The following MTURN variants were observed in gnomAD, a reference collection of about 807,000 sequenced individuals.
MTURN encodes the protein maturin.
Under a neutral mutation model 14.9 loss-of-function variants are expected in MTURN, and 7 were observed. That is an observed-to-expected ratio of 0.47 (90% CI 0.27 to 0.88). MTURN has a LOEUF of 0.88. MTURN is among the 40% of genes least tolerant of loss of function. MTURN has a pLI of 0.14. For synonymous variants in MTURN, 69 were observed against 72.5 expected (o/e 0.95, Z 0.25); for missense variants, 151 against 174.1 (o/e 0.87, Z 0.75).
intron 2 of MTURN, among the ~76,000 whole-genome samples, chr7:30,147,359 G>A (rs2128032037): frequency 6.6e-6 from 1 of 152,278 alleles, no homozygotes; most frequent in Middle Eastern, 3.4e-3. Context: ...AGGACTTGGG[G>A]GCCTATTAGT....
chr7:30,158,851 G>A lies in MTURN; in HGVS notation c.*1303G>A, dbSNP rs187351238. On this transcript the variant is annotated 3_prime_UTR_variant, in exon 3 of 3. Coordinates refer to ENST00000324453, the MANE Select transcript of MTURN (RefSeq NM_152793.3). ...GCGGAATGCCTCCTTTACAACACTAGATTAAACCTAGCATCTGGGGTGGGT... is the reference window on the plus strand; with the variant it reads ...GCGGAATGCCTCCTTTACAACACTAAATTAAACCTAGCATCTGGGGTGGGT... 6.6e-6 allele frequency: 1 copy of A among 152,228 alleles called. No homozygotes were observed. Among genetic ancestry groups the A allele is most frequent in the Admixed American group, 6.5e-5 (1 of 15,286 alleles). The allele number at this position is 152,228 out of a possible 1,614,324, so 9.4% of individuals were successfully genotyped here.
Position 30,135,079 on chromosome 7 carries a change from A to AGGAGGGCGCCTAGGAGCG in MTURN, c.-49_-32dup, listed in dbSNP as rs1441561158. ...CCGAGCGCCGCGCTGCCCGCCCGGG[A>AGGAGGGCGCCTAGGAGCG]GGAGGGCGCCTAGGAGCGGGAGGGC... On this transcript the variant is annotated 5_prime_UTR_variant, in exon 1 of 3. Coordinates refer to ENST00000324453, the MANE Select transcript of MTURN (RefSeq NM_152793.3). 1.8e-5 allele frequency: 23 copies of AGGAGGGCGCCTAGGAGCG among 1,303,984 alleles called. No individual in the cohort carries two copies. In the African/African-American group the frequency reaches 3.3e-4, roughly 19 times the overall value. The allele number at this position is 1,303,984 out of a possible 1,614,324, so 80.8% of individuals were successfully genotyped here.
chr7:30,135,051 G>T lies in MTURN; in HGVS notation c.-86G>T. On this transcript the variant is annotated 5_prime_UTR_variant, in exon 1 of 3. Coordinates refer to ENST00000324453, the MANE Select transcript of MTURN (RefSeq NM_152793.3). ...GGCCCCGGAGGAGCCCGCGCAGGCC[G>T]AGCCGAGCGCCGCGCTGCCCGCCCG... The T allele has an allele frequency of 8.8e-7, 1 of 1,130,250 alleles. No homozygotes were observed. 70.0% of individuals were successfully genotyped at this position (1,130,250 alleles called of 1,614,324 possible).
chr7:30,139,959 G>C (rs191453148), intron 1 of MTURN, among the ~76,000 whole-genome samples: 20 of 152,288 alleles, frequency 1.3e-4, no homozygotes, highest in South Asian at 1.0e-3. Flanking sequence ...TGATAAGGGA[G>C]GGCTCCTGGC....
Position 30,161,071 on chromosome 7 carries a change from T to C in MTURN, c.*3523T>C, listed in dbSNP as rs1397682115. On this transcript the variant is annotated 3_prime_UTR_variant, in exon 3 of 3. Transcript: ENST00000324453. ...ATTTCTGAATATTGTTTCTGTTTCA[T>C]AAGAGCACAATGTACATGGACCTAG... The C allele has an allele frequency of 2.0e-5, 3 of 152,668 alleles. No homozygotes were observed. The highest frequency in any genetic ancestry group is 7.2e-5 in the African/African-American group (3 of 41,458). 9.5% of individuals were successfully genotyped at this position (152,668 alleles called of 1,614,324 possible).
intron 1 of MTURN, among the ~76,000 whole-genome samples, chr7:30,136,037 C>G (rs994492309): frequency 5.3e-5 from 8 of 152,374 alleles, no homozygotes; most frequent in Admixed American, 2.0e-4. Context: ...CGCGGCACGC[C>G]TCTCCCCCTG....
In MTURN at chr7:30,162,541, GCTTT is replaced by G. The variant is rs1797391212; in HGVS notation, c.*4998_*5001del. On this transcript the variant is annotated 3_prime_UTR_variant, in exon 3 of 3. Coordinates refer to ENST00000324453, the MANE Select transcript of MTURN (RefSeq NM_152793.3). ...GAAGTGTTGCCGGTAGGGTATGTGT[GCTTT>G]CTTTGCCTTCCTATTTCCTTTCAAA... is the stretch of plus-strand genomic sequence containing the variant. 1 of 150,268 alleles carries G rather than the reference GCTTT, an allele frequency of 6.7e-6. No homozygotes were observed. The highest frequency in any genetic ancestry group is 1.5e-5 in the Non-Finnish European group (1 of 67,512). The allele number at this position is 150,268 out of a possible 1,614,324, so 9.3% of individuals were successfully genotyped here.
chr7:30,144,529 G>A (rs1427894407), intron 1 of MTURN, among the ~76,000 whole-genome samples: 1 of 152,200 alleles, frequency 6.6e-6, no homozygotes, highest in Non-Finnish European at 1.5e-5. Context: ...TAATTAGTAG[G>A]GAAGAGCATT....
At chr7:30,140,415 G>GTATATATATATATATATATATA (rs767262743) in intron 1 of MTURN, among the ~76,000 whole-genome samples, 1 of 143,732 alleles carries the variant, frequency 7.0e-6, no homozygotes, top group East Asian at 2.1e-4. Context: ...GTGTGTGTGT[G>GTATATATATATATATATATATA]TATCCCCATT....
At chr7:30,146,899 T>TTC (rs1797138709) in intron 2 of MTURN, among the ~76,000 whole-genome samples, 2 of 152,208 alleles carry the variant, frequency 1.3e-5, no homozygotes, top group African/African-American at 2.4e-5. Flanking sequence ...AAATGAATGC[T>TTC]CACTTCTATT....
chr7:30,146,758 C>G (rs1008038558), intron 2 of MTURN, among the ~76,000 whole-genome samples: 2 of 152,162 alleles, frequency 1.3e-5, no homozygotes, highest in African/African-American at 4.8e-5. Context: ...GATACTGGCT[C>G]TATTCTTTTC....
intron 1 of MTURN, chr7:30,137,262 A>G (rs1311484949): frequency 5.2e-6 from 1 of 192,574 alleles, no homozygotes; most frequent in African/African-American, 2.3e-5. Context: ...AAACAGGGCA[A>G]GAATGGCTCA....
chr7:30,138,211 G>A lies in MTURN; in HGVS notation c.162+2913G>A, dbSNP rs1796995797. Among the ~76,000 whole-genome samples, 8 of 152,224 alleles carry A rather than the reference G, an allele frequency of 5.3e-5. 1 individual carries two copies. In the South Asian group the frequency reaches 1.7e-3, roughly 32 times the overall value. On this transcript the variant is annotated intron_variant, in intron 1 of 2. Transcript: ENST00000324453. Reference sequence around the variant, plus strand: ...GCTCACTGCACCCTCTGCCTCCCGGGTTCAAGTGATTCTTGTGCGTCAGCC... The same window carrying A: ...GCTCACTGCACCCTCTGCCTCCCGGATTCAAGTGATTCTTGTGCGTCAGCC...
At chr7:30,156,553 A>G (rs186061510) in intron 2 of MTURN, among the ~76,000 whole-genome samples, 45 of 151,656 alleles carry the variant, frequency 3.0e-4, no homozygotes, top group Non-Finnish European at 5.3e-4. Flanking sequence ...TGGGTCAGGC[A>G]TGGTGGCTCA....
chr7:30,146,542 T>A (rs903184285), intron 2 of MTURN, among the ~76,000 whole-genome samples: 8 of 149,126 alleles, frequency 5.4e-5, no homozygotes, highest in Admixed American at 5.4e-4. Flanking sequence ...GAGTTGAGAA[T>A]CCCTGATGGG....
At chr7:30,145,364 C>T (rs192647370) in intron 1 of MTURN, among the ~76,000 whole-genome samples, 12 of 152,096 alleles carry the variant, frequency 7.9e-5, no homozygotes, top group African/African-American at 2.9e-4. Context: ...TGTGGTGGTG[C>T]GCACCTGTAG....
chr7:30,135,845 A>G (rs906423026), intron 1 of MTURN, among the ~76,000 whole-genome samples: 2 of 152,204 alleles, frequency 1.3e-5, no homozygotes, highest in African/African-American at 4.8e-5. Flanking sequence ...CTCGCGGGTT[A>G]GTCCTTGCAC....
intron 2 of MTURN, among the ~76,000 whole-genome samples, chr7:30,155,443 A>G (rs1465883555): frequency 1.3e-5 from 2 of 152,186 alleles, no homozygotes; most frequent in African/African-American, 2.4e-5. Context: ...GTGCCTTACG[A>G]CTAGTCATCT....
chr7:30,135,296 T>C lies in MTURN; in HGVS notation c.160T>C (p.Phe54Leu). 1 of 1,521,386 alleles carries C rather than the reference T, an allele frequency of 6.6e-7. No individual in the cohort carries two copies. The highest frequency in any genetic ancestry group is 1.4e-5 in the African/African-American group (1 of 69,110). The allele number at this position is 1,521,386 out of a possible 1,614,324, so 94.2% of individuals were successfully genotyped here. ...TCCGGACAACGGCTGCGGCGACAAT[T>C]TTGTGAGTGCCTGGAGGAGGGACCG... ...LCPDNGCGDN[F>L]HVWSESEDCL... Residue 54 changes from phenylalanine to leucine, a missense_variant and splice_region_variant, in exon 1 of 3, where the codon TTT becomes CTT. Coordinates refer to ENST00000324453, the MANE Select transcript of MTURN (RefSeq NM_152793.3).
Sources: allele counts gnomAD v4.1 joint callset (sites outside exome capture counted in the v4.1 genomes callset), GRCh38; gene constraint gnomAD v4.1.1; transcripts MANE v1.5; gene names NCBI Gene and HGNC (gene_info 2026-07-23, HGNC 2026-07-21).